Variants in LUZP2 observed in about 807,000 individuals in gnomAD.
LUZP2 encodes leucine zipper protein 2.
LUZP2 carries 52 observed loss-of-function variants against 51.6 expected under a neutral mutation model. That is an observed-to-expected ratio of 1.01 (90% confidence interval 0.81 to 1.27). LUZP2 has a LOEUF of 1.27. Among genes scored for constraint, LUZP2 ranks in the 50% most tolerant of loss-of-function variants. The probability of loss-of-function intolerance (pLI) is 0.00; values close to 1 mark genes in which losing one functional copy is unlikely to be tolerated. For synonymous variants in LUZP2, 154 were observed against 137.3 expected, an observed-to-expected ratio of 1.12 and a Z score of -0.85; for missense variants, 436 against 395.4, an observed-to-expected ratio of 1.10 and a Z score of -0.87.
intron 5 of LUZP2, among the ~76,000 whole-genome samples, chr11:24,782,929 G>C (rs1287135023): frequency 6.6e-6 from 1 of 151,968 alleles, no homozygotes; most frequent in Non-Finnish European, 1.5e-5. Context: ...GGAAGGAAGA[G>C]ATAAAGAAAA....
chr11:24,727,022 T>C (rs1019191295), intron 1 of LUZP2, among the ~76,000 whole-genome samples: 1 of 151,384 alleles, frequency 6.6e-6, no homozygotes, highest in Non-Finnish European at 1.5e-5. Context: ...CTCTTCATGG[T>C]TCCCAATGTA....
intron 1 of LUZP2, among the ~76,000 whole-genome samples, chr11:24,700,701 G>A: frequency 6.6e-6 from 1 of 152,012 alleles, no homozygotes. Context: ...ATTGGATATT[G>A]ATATAATATT....
At chr11:25,049,588 C>T (rs879491142) in intron 9 of LUZP2, among the ~76,000 whole-genome samples, 1 of 151,916 alleles carries the variant, frequency 6.6e-6, no homozygotes, top group South Asian at 2.1e-4. Flanking sequence ...TTAATATAAT[C>T]CACTATGTAT....
chr11:24,886,349 T>C (rs1852666189), intron 5 of LUZP2, among the ~76,000 whole-genome samples: 1 of 152,178 alleles, frequency 6.6e-6, no homozygotes, highest in Admixed American at 6.6e-5. Flanking sequence ...TGATTCAGTT[T>C]GGTCTTTTTC....
chr11:24,892,092 C>A (rs566634654), intron 5 of LUZP2: 21 of 985,504 alleles, frequency 2.1e-5, no homozygotes, highest in East Asian at 1.1e-4. Context: ...CATGGTCACT[C>A]GTGACTTACT....
intron 9 of LUZP2, among the ~76,000 whole-genome samples, chr11:25,029,462 G>T (rs1857584404): frequency 6.6e-6 from 1 of 152,074 alleles, no homozygotes; most frequent in African/African-American, 2.4e-5. Flanking sequence ...AATCGGCTGG[G>T]TGCAGTGGCT....
intron 4 of LUZP2, among the ~76,000 whole-genome samples, chr11:24,749,937 C>T (rs1263572472): frequency 3.9e-5 from 6 of 152,282 alleles, no homozygotes; most frequent in Admixed American, 3.9e-4. Flanking sequence ...TATCATGGGA[C>T]TTCGCCTTGT....
intron 10 of LUZP2, among the ~76,000 whole-genome samples, chr11:25,075,677 G>T (rs886296853): frequency 6.6e-6 from 1 of 152,028 alleles, no homozygotes; most frequent in Non-Finnish European, 1.5e-5. Flanking sequence ...ATAAATTATG[G>T]CAGAAATGAG....
chr11:24,637,126 G>T (rs562553043), intron 1 of LUZP2, among the ~76,000 whole-genome samples: 1 of 151,756 alleles, frequency 6.6e-6, no homozygotes, highest in African/African-American at 2.4e-5. Context: ...TGTAGAGGAT[G>T]AGCAGAGTGT....
At chr11:24,566,625 C>T (rs12797075) in intron 1 of LUZP2, among the ~76,000 whole-genome samples, 55,774 of 117,014 alleles carry the variant, frequency 0.48, 11,144 homozygotes, top group African/African-American at 0.58. Flanking sequence ...TATAGATATA[C>T]ACACACACAC....
chr11:24,878,416 G>T (rs74436856), intron 5 of LUZP2, among the ~76,000 whole-genome samples: 2 of 152,164 alleles, frequency 1.3e-5, no homozygotes, highest in South Asian at 2.1e-4. Context: ...GCCACCAGGT[G>T]TATTGGAGCA....
chr11:24,831,153 G>T (rs186050421), intron 5 of LUZP2, among the ~76,000 whole-genome samples: 4 of 152,264 alleles, frequency 2.6e-5, no homozygotes, highest in East Asian at 1.9e-4. Flanking sequence ...AGCAGTTATC[G>T]TATTACGTTG....
At chr11:24,774,133 G>T (rs1429275599) in intron 5 of LUZP2, among the ~76,000 whole-genome samples, 1 of 151,642 alleles carries the variant, frequency 6.6e-6, no homozygotes. Flanking sequence ...AATATAAGCA[G>T]GTAGAAAAAT....
intron 5 of LUZP2, among the ~76,000 whole-genome samples, chr11:24,811,442 T>C (rs978231526): frequency 1.3e-5 from 2 of 152,184 alleles, no homozygotes; most frequent in African/African-American, 4.8e-5. Context: ...TCTGACATAG[T>C]TAATGTCAAC....
intron 9 of LUZP2, among the ~76,000 whole-genome samples, chr11:24,988,045 G>T (rs1856236723): frequency 6.6e-6 from 1 of 151,962 alleles, no homozygotes; most frequent in Non-Finnish European, 1.5e-5. Context: ...TTAGAAATGA[G>T]AAAGGACTCT....
intron 1 of LUZP2, among the ~76,000 whole-genome samples, chr11:24,640,952 T>C (rs1040730874): frequency 2.1e-5 from 3 of 144,764 alleles, no homozygotes; most frequent in Non-Finnish European, 4.5e-5. Flanking sequence ...TGTATATCTA[T>C]ATCTGTATAG....
chr11:24,663,587 C>A (rs1245423753), intron 1 of LUZP2, among the ~76,000 whole-genome samples: 1 of 151,958 alleles, frequency 6.6e-6, no homozygotes, highest in Non-Finnish European at 1.5e-5. Context: ...TTTTAAAAAT[C>A]TTTTATCTTT....
chr11:24,924,298 G>C (rs1024616727), intron 7 of LUZP2, among the ~76,000 whole-genome samples: 1 of 151,842 alleles, frequency 6.6e-6, no homozygotes, highest in East Asian at 1.9e-4. Context: ...GGATGGTCTC[G>C]GTCTCCTGAC....
chr11:24,711,188 G>A (rs1412455342), intron 1 of LUZP2, among the ~76,000 whole-genome samples: 3 of 152,178 alleles, frequency 2.0e-5, no homozygotes, highest in Non-Finnish European at 4.4e-5. Context: ...GGTGGCTGAT[G>A]CCTGTAATCC....
Sources: gnomAD v4.1 joint callset for allele counts (sites outside exome capture counted in the v4.1 genomes callset) on GRCh38, gnomAD v4.1.1 for gene constraint, MANE v1.5 for transcripts, NCBI Gene and HGNC (gene_info 2026-07-23, HGNC 2026-07-21) for gene names.